ABLIM1: variants seen among roughly 807,000 people sequenced by gnomAD.
ABLIM1 encodes the protein actin-binding LIM protein 1.
ABLIM1 carries 40 observed loss-of-function variants against 107.0 expected under a neutral mutation model. The observed-to-expected ratio is 0.37, with a 90% CI of 0.29 to 0.49. ABLIM1 has a LOEUF of 0.49. Among genes scored for constraint, ABLIM1 ranks in the 20% least tolerant of loss-of-function variants. ABLIM1 has a pLI of 0.97. For missense variants in ABLIM1, 857 were observed against 1,008.5 expected, an observed-to-expected ratio of 0.85 and a Z score of 2.04; for synonymous variants, 357 against 357.3, an observed-to-expected ratio of 1.00 and a Z score of 0.01.
chr10:114,574,688 T>C (rs1162002782), intron 3 of ABLIM1, among the ~76,000 whole-genome samples: 1 of 152,142 alleles, frequency 6.6e-6, no homozygotes, highest in Non-Finnish European at 1.5e-5. Context: ...GTGATGTACC[T>C]GCCTCGGCCT....
At chr10:114,620,091 T>C (rs866392942) in intron 1 of ABLIM1, among the ~76,000 whole-genome samples, 1 of 152,192 alleles carries the variant, frequency 6.6e-6, no homozygotes, top group East Asian at 1.9e-4. Flanking sequence ...AAAAGTTTAA[T>C]TAGTTAGTGT....
intron 6 of ABLIM1, among the ~76,000 whole-genome samples, chr10:114,498,721 C>G (rs182627335): frequency 6.6e-6 from 1 of 152,294 alleles, no homozygotes; most frequent in East Asian, 1.9e-4. Flanking sequence ...AACAATTGAT[C>G]AAGAACCTTA....
intron 1 of ABLIM1, among the ~76,000 whole-genome samples, chr10:114,739,718 C>A (rs1325568401): frequency 2.0e-5 from 3 of 152,096 alleles, no homozygotes; most frequent in Non-Finnish European, 4.4e-5. Context: ...TTAAACACAT[C>A]TTTCTGCCAT....
chr10:114,506,669 A>G (rs1212876884), intron 6 of ABLIM1, among the ~76,000 whole-genome samples: 2 of 152,182 alleles, frequency 1.3e-5, no homozygotes, highest in Non-Finnish European at 2.9e-5. Flanking sequence ...TTTGAGAAGT[A>G]TCTGCCCAGT....
Position 114,451,638 on chromosome 10 carries a change from A to C in ABLIM1, c.1580T>G (p.Ile527Ser). The change falls in exon 14 of 23, where the codon ATC (isoleucine) becomes AGC (serine). Residue 527 changes from isoleucine to serine, a missense_variant. This residue lies in a region of ABLIM1 where 103 missense variants were observed against 101.0 expected (regional missense o/e 1.02). Transcript: ENST00000533213. ...GCGGGTTTTACCATGCTGTTTGTAG[A>C]TGGGTGGCTTTCGGTAAATGTTGAT... ...QGINIYRKPP[I>S]YKQHAALAAQ... The C allele has an allele frequency of 6.2e-7, 1 of 1,613,596 alleles. No individual in the cohort carries two copies. Among genetic ancestry groups the C allele is most frequent in the Non-Finnish European group, 8.5e-7 (1 of 1,179,700 alleles).
intron 1 of ABLIM1, among the ~76,000 whole-genome samples, chr10:114,644,144 G>A (rs12762255): frequency 0.069 from 10,312 of 149,294 alleles, 429 homozygotes; most frequent in South Asian, 0.12. Context: ...AGCTGGGCAT[G>A]GTGGCGGGCA....
At chr10:114,468,892 AC>A (rs1165704479) in intron 10 of ABLIM1, among the ~76,000 whole-genome samples, 8 of 151,730 alleles carry the variant, frequency 5.3e-5, no homozygotes, top group Non-Finnish European at 8.8e-5. Context: ...TCTACTAAAA[AC>A]TACAAAAAAT....
chr10:114,481,662 C>T (rs1313669200), intron 8 of ABLIM1, among the ~76,000 whole-genome samples: 1 of 152,324 alleles, frequency 6.6e-6, no homozygotes, highest in East Asian at 1.9e-4. Flanking sequence ...TGCGCACACA[C>T]CACTTCTCTG....
chr10:114,548,935 C>T (rs1019482191), intron 4 of ABLIM1, among the ~76,000 whole-genome samples: 1 of 152,218 alleles, frequency 6.6e-6, no homozygotes, highest in Admixed American at 6.5e-5. Context: ...TGACCACATC[C>T]GTGACTGCCA....
chr10:114,609,821 CAATT>C (rs1359193369), intron 1 of ABLIM1, among the ~76,000 whole-genome samples: 1 of 152,290 alleles, frequency 6.6e-6, no homozygotes, highest in Non-Finnish European at 1.5e-5. Flanking sequence ...GGCACTATAA[CAATT>C]AATTGCTACT....
intron 1 of ABLIM1, chr10:114,765,000 GC>G (rs1244951546): frequency 6.6e-6 from 1 of 152,366 alleles, no homozygotes; most frequent in Non-Finnish European, 1.5e-5. Context: ...GAGGTAAGCA[GC>G]CCCAGCCCCT....
At chr10:114,556,279 G>A (rs1450812772) in intron 4 of ABLIM1, among the ~76,000 whole-genome samples, 1 of 152,220 alleles carries the variant, frequency 6.6e-6, no homozygotes. Flanking sequence ...ACCTGAACGT[G>A]GATCAGATTC....
chr10:114,747,263 C>T (rs1430808277), intron 1 of ABLIM1, among the ~76,000 whole-genome samples: 1 of 152,162 alleles, frequency 6.6e-6, no homozygotes, highest in Non-Finnish European at 1.5e-5. Context: ...GCCATCCAGG[C>T]CATGAAGATC....
At chr10:114,493,495 C>A (rs578219443) in intron 6 of ABLIM1, among the ~76,000 whole-genome samples, 4 of 152,288 alleles carry the variant, frequency 2.6e-5, no homozygotes, top group Admixed American at 2.6e-4. Context: ...CAAAGGTGTA[C>A]ACTTTTACCA....
At chr10:114,684,444 G>A (rs1566235667) in exon 1 of ABLIM1, 2 of 1,575,604 alleles carry the variant, frequency 1.3e-6, no homozygotes, top group Non-Finnish European at 1.7e-6. Flanking sequence ...CTGGGGCCCT[G>A]GCTCTCCTCC....
intron 12 of ABLIM1, among the ~76,000 whole-genome samples, chr10:114,461,728 A>G (rs1365639336): frequency 6.6e-6 from 1 of 152,144 alleles, no homozygotes; most frequent in Non-Finnish European, 1.5e-5. Flanking sequence ...CTGAGGCATA[A>G]GAATCGCTTG....
intron 2 of ABLIM1, among the ~76,000 whole-genome samples, chr10:114,598,545 G>A (rs756017226): frequency 1.3e-4 from 20 of 151,574 alleles, no homozygotes; most frequent in Non-Finnish European, 2.8e-4. Flanking sequence ...CTGAGATCAC[G>A]CCATTGCACT....
At chr10:114,689,669 T>A (rs1030128792), upstream of ABLIM1, among the ~76,000 whole-genome samples, 1 of 152,076 alleles carries the variant, frequency 6.6e-6, no homozygotes, top group African/African-American at 2.4e-5. Flanking sequence ...GCCGCACTTT[T>A]TCTGTTAATT....
At chr10:114,731,111 G>A (rs1238677020) in intron 1 of ABLIM1, among the ~76,000 whole-genome samples, 2 of 152,074 alleles carry the variant, frequency 1.3e-5, no homozygotes, top group Non-Finnish European at 2.9e-5. Flanking sequence ...TGAATAATGG[G>A]CTGTACACAT....
Sources: gnomAD v4.1 joint callset for allele counts (sites outside exome capture counted in the v4.1 genomes callset) on GRCh38, gnomAD v4.1.1 for gene constraint, gnomAD v4.1.1 regional missense constraint, MANE v1.5 for transcripts, NCBI Gene and HGNC (gene_info 2026-07-23, HGNC 2026-07-21) for gene names.